The following FSTL4 variants were observed in gnomAD, a reference collection of about 807,000 sequenced individuals.
FSTL4 encodes follistatin-related protein 4.
A neutral mutation model predicts 78.2 loss-of-function variants in FSTL4; 28 were observed. The ratio of observed to expected loss-of-function variants is 0.36; its 90% CI spans 0.27 to 0.49. The LOEUF (loss-of-function observed/expected upper bound fraction) is 0.49, where lower values mean the gene tolerates loss of function less well. Among genes scored for constraint, FSTL4 ranks in the 20% least tolerant of loss-of-function variants. FSTL4 has a pLI of 0.98. For synonymous variants in FSTL4, 422 were observed against 440.5 expected (o/e 0.96, Z 0.53); for missense variants, 922 against 1,084.9 (o/e 0.85, Z 2.11).
chr5:133,680,105 G>A, the FSTL4 span, among the ~76,000 whole-genome samples: 1 of 152,142 alleles, frequency 6.6e-6, no homozygotes, highest in African/African-American at 2.4e-5. Flanking sequence ...AACCTCTGCT[G>A]GCTCCCCAAA....
At chr5:133,526,729 G>T (rs1420813405) in intron 3 of FSTL4, among the ~76,000 whole-genome samples, 1 of 152,146 alleles carries the variant, frequency 6.6e-6, no homozygotes, top group Non-Finnish European at 1.5e-5. Flanking sequence ...AGCTGGGGAT[G>T]AGGACTTTGA....
the FSTL4 span, among the ~76,000 whole-genome samples, chr5:133,743,485 T>C: frequency 6.6e-6 from 1 of 152,182 alleles, no homozygotes; most frequent in African/African-American, 2.4e-5. Context: ...GGCAAATCCA[T>C]TCACTTCTCT....
chr5:133,634,958 TA>T, the FSTL4 span, among the ~76,000 whole-genome samples: 2 of 152,272 alleles, frequency 1.3e-5, no homozygotes, highest in East Asian at 3.9e-4. Context: ...ATATTGTTTT[TA>T]AAACAATAGA....
At chr5:133,373,668 C>T (rs538471821) in intron 4 of FSTL4, among the ~76,000 whole-genome samples, 1 of 152,304 alleles carries the variant, frequency 6.6e-6, no homozygotes, top group East Asian at 1.9e-4. Context: ...CCCCACCAAA[C>T]CTACCCTCCC....
At position 133,202,180 on chromosome 5, in the gene FSTL4, G is replaced by C. The variant is rs9327645; in HGVS notation, c.1717-138C>G. 2.9e-3 allele frequency: 1,586 copies of C among 550,294 alleles called. 6 individuals carry two copies. The highest frequency in any genetic ancestry group is 2.8e-3 in the Non-Finnish European group (845 of 303,776). The allele number at this position is 550,294 out of a possible 1,614,324, so 34.1% of individuals were successfully genotyped here. A position where few individuals can be genotyped will look rare whatever the true frequency, so the allele number is the denominator to read the frequency against. On this transcript the variant is annotated intron_variant, in intron 14 of 15. Transcript: ENST00000265342. ...ATGACTAACAAACCTCAATCTCAGGGAAGAGGCAGGAGCAAAGTGGGAGCA... is the reference window on the plus strand; with the variant it reads ...ATGACTAACAAACCTCAATCTCAGGCAAGAGGCAGGAGCAAAGTGGGAGCA...
At chr5:133,298,551 T>C (rs1285790221) in intron 6 of FSTL4, among the ~76,000 whole-genome samples, 1 of 152,250 alleles carries the variant, frequency 6.6e-6, no homozygotes, top group African/African-American at 2.4e-5. Context: ...AGAGCAAATA[T>C]TCACCTGTTG....
chr5:133,767,014 G>A, the FSTL4 span, among the ~76,000 whole-genome samples: 1 of 152,226 alleles, frequency 6.6e-6, no homozygotes, highest in Admixed American at 6.5e-5. Context: ...AGAGGCTCTG[G>A]TGAGGAGACA....
At chr5:133,242,493 A>T (rs2126814301) in intron 7 of FSTL4, among the ~76,000 whole-genome samples, 1 of 152,260 alleles carries the variant, frequency 6.6e-6, no homozygotes, top group African/African-American at 2.4e-5. Context: ...TGGGGCCGGA[A>T]GTGGTCACTG....
intron 3 of FSTL4, among the ~76,000 whole-genome samples, chr5:133,404,470 T>A (rs190431266): frequency 2.6e-5 from 4 of 152,328 alleles, no homozygotes; most frequent in Non-Finnish European, 5.9e-5. Flanking sequence ...AAACTGATCA[T>A]CTTGCCAAAT....
At chr5:133,737,303 C>G in the FSTL4 span, among the ~76,000 whole-genome samples, 5 of 151,944 alleles carry the variant, frequency 3.3e-5, no homozygotes, top group Non-Finnish European at 7.4e-5. Flanking sequence ...TCTCTATGTC[C>G]ATGAATTCAA....
At chr5:133,234,503 C>A (rs1007649941) in intron 7 of FSTL4, among the ~76,000 whole-genome samples, 1 of 152,240 alleles carries the variant, frequency 6.6e-6, no homozygotes, top group Non-Finnish European at 1.5e-5. Context: ...GTGCCCAATG[C>A]TGGCCCTTCC....
At chr5:133,714,016 A>G in the FSTL4 span, among the ~76,000 whole-genome samples, 1 of 152,186 alleles carries the variant, frequency 6.6e-6, no homozygotes, top group Non-Finnish European at 1.5e-5. Context: ...GGCACTCTCC[A>G]GGAGGGAGAC....
intron 11 of FSTL4, 161 bp from the exon 12 acceptor site, chr5:133,221,027 T>C: frequency 1.4e-6 from 1 of 711,936 alleles, no homozygotes; most frequent in South Asian, 1.5e-5. Flanking sequence ...GCAGCCAGCT[T>C]GTAGCTGGAT....
chr5:133,640,073 C>G, the FSTL4 span, among the ~76,000 whole-genome samples: 1 of 152,212 alleles, frequency 6.6e-6, no homozygotes, highest in South Asian at 2.1e-4. Context: ...GGTGCAATGA[C>G]AGAGGAGCCT....
At chr5:133,739,287 C>CT in the FSTL4 span, among the ~76,000 whole-genome samples, 52,553 of 143,812 alleles carry the variant, frequency 0.37, 9,830 homozygotes, top group East Asian at 0.64. Flanking sequence ...TTTTCTTTTT[C>CT]TTTTTTTTTT....
the FSTL4 span, among the ~76,000 whole-genome samples, chr5:133,710,400 C>T: frequency 3.4e-4 from 52 of 152,326 alleles, no homozygotes; most frequent in African/African-American, 1.2e-3. Context: ...TGGGTTTACA[C>T]TTACTGTCCA....
intron 5 of FSTL4, among the ~76,000 whole-genome samples, chr5:133,314,650 G>T (rs1753861818): frequency 2.0e-5 from 3 of 152,014 alleles, no homozygotes; most frequent in African/African-American, 7.2e-5. Flanking sequence ...AAGTCAGCCT[G>T]CCAGGGTTTC....
At chr5:133,633,979 G>A in the FSTL4 span, among the ~76,000 whole-genome samples, 3 of 152,094 alleles carry the variant, frequency 2.0e-5, no homozygotes, top group Non-Finnish European at 4.4e-5. Context: ...CTCACCACAT[G>A]GCTTCCACTG....
At chr5:133,262,737 A>C (rs1752562292) in intron 6 of FSTL4, among the ~76,000 whole-genome samples, 2 of 152,194 alleles carry the variant, frequency 1.3e-5, no homozygotes, top group African/African-American at 2.4e-5. Context: ...TTAACAAAAC[A>C]AAGAAGCTTC....
Sources: gnomAD v4.1 joint callset for allele counts (sites outside exome capture counted in the v4.1 genomes callset) on GRCh38, gnomAD v4.1.1 for gene constraint, MANE v1.5 for transcripts, NCBI Gene and HGNC (gene_info 2026-07-23, HGNC 2026-07-21) for gene names.